The following WWC1 variants were observed in gnomAD, a reference collection of about 807,000 sequenced individuals.
WWC1 encodes WW and C2 domain containing 1.
Under a neutral mutation model 138.4 loss-of-function variants are expected in WWC1, and 55 were observed. That is an observed-to-expected ratio of 0.40 (90% CI 0.32 to 0.50). The LOEUF (loss-of-function observed/expected upper bound fraction) is 0.50. Among genes scored for constraint, WWC1 ranks in the 20% least tolerant of loss-of-function variants. The probability of loss-of-function intolerance (pLI) is 0.72; values close to 1 mark genes in which losing one functional copy is unlikely to be tolerated. For synonymous variants in WWC1, 524 were observed against 564.9 expected (o/e 0.93, Z 1.03); for missense variants, 1,226 against 1,420.4 (o/e 0.86, Z 2.20).
intron 5 of WWC1, among the ~76,000 whole-genome samples, 164 bp from the exon 6 acceptor site, chr5:168,406,034 T>G (rs1217057549): frequency 6.6e-6 from 1 of 152,174 alleles, no homozygotes; most frequent in Admixed American, 6.5e-5. Flanking sequence ...GCCCGGGACC[T>G]TCTATGCCTT....
At chr5:168,389,932 T>C (rs1778355886) in intron 3 of WWC1, among the ~76,000 whole-genome samples, 1 of 152,330 alleles carries the variant, frequency 6.6e-6, no homozygotes, top group Admixed American at 6.5e-5. Flanking sequence ...TCATAGGGGA[T>C]AAAACTGCCC....
chr5:168,378,359 G>A (rs561048757), intron 2 of WWC1, among the ~76,000 whole-genome samples: 93 of 152,206 alleles, frequency 6.1e-4, no homozygotes, highest in African/African-American at 1.9e-3. Context: ...CCAAACCTCA[G>A]CATCATGCAA....
intron 1 of WWC1, among the ~76,000 whole-genome samples, chr5:168,318,965 G>C (rs990597566): frequency 6.6e-6 from 1 of 152,120 alleles, no homozygotes; most frequent in Non-Finnish European, 1.5e-5. Flanking sequence ...TTCATTGTAC[G>C]TACATATGTG....
chr5:168,446,403 A>G (rs1055581385), intron 17 of WWC1, among the ~76,000 whole-genome samples: 15 of 152,200 alleles, frequency 9.9e-5, no homozygotes, highest in African/African-American at 3.6e-4. Context: ...TCCTTGTATT[A>G]TGAGAAAGGT....
At position 168,441,844 on chromosome 5, in the gene WWC1, G is replaced by A. The variant is rs1754800253; in HGVS notation, c.2433+10G>A. The A allele has an allele frequency of 1.9e-6, 3 of 1,611,496 alleles. No individual in the cohort carries two copies. The highest frequency in any genetic ancestry group is 1.1e-5 in the South Asian group (1 of 90,696). ...AGGGCCTGCCAGCACGGTGAGCTGGGACCAGGTGTGCCACCTTCCCACAAG... is the reference window on the plus strand; with the variant it reads ...AGGGCCTGCCAGCACGGTGAGCTGGAACCAGGTGTGCCACCTTCCCACAAG... On this transcript the variant is annotated intron_variant, in intron 16 of 22. Transcript: ENST00000265293.
intron 1 of WWC1, among the ~76,000 whole-genome samples, chr5:168,337,283 T>C (rs1444384461): frequency 6.6e-6 from 1 of 152,216 alleles, no homozygotes; most frequent in Non-Finnish European, 1.5e-5. Context: ...GTGGTACTTT[T>C]GCATGAATTC....
intron 3 of WWC1, among the ~76,000 whole-genome samples, chr5:168,397,143 T>C (rs556403027): frequency 6.6e-5 from 10 of 151,976 alleles, no homozygotes; most frequent in African/African-American, 2.4e-4. Flanking sequence ...AAATTTAAAT[T>C]ATTCTTTTTT....
intron 3 of WWC1, 54 bp downstream of exon 3, chr5:168,385,468 ACT>A: frequency 6.4e-7 from 1 of 1,564,004 alleles, no homozygotes; most frequent in Non-Finnish European, 8.7e-7. Context: ...GAATGGCCAC[ACT>A]GAGTTCTGCC....
intron 16 of WWC1, among the ~76,000 whole-genome samples, chr5:168,443,157 C>G (rs1314353220): frequency 1.3e-5 from 2 of 152,186 alleles, no homozygotes; most frequent in African/African-American, 4.8e-5. Context: ...AACGGTTGTT[C>G]CCTCTGTCGA....
intron 15 of WWC1, among the ~76,000 whole-genome samples, chr5:168,440,523 G>C (rs1344249172): frequency 1.3e-5 from 2 of 151,568 alleles, no homozygotes; most frequent in East Asian, 3.9e-4. Context: ...GTTTTGTTTT[G>C]TTTTGTTTTT....
chr5:168,295,817 C>T (rs930461477), intron 1 of WWC1, among the ~76,000 whole-genome samples: 1 of 152,162 alleles, frequency 6.6e-6, no homozygotes, highest in Non-Finnish European at 1.5e-5. Flanking sequence ...CTTGCCAACT[C>T]TCTCCCCTTC....
chr5:168,398,397 G>T (rs930163298), intron 4 of WWC1, among the ~76,000 whole-genome samples: 1 of 152,134 alleles, frequency 6.6e-6, no homozygotes, highest in Non-Finnish European at 1.5e-5. Context: ...CCACCACCAA[G>T]CTGTCACCTG....
chr5:168,458,856 T>A (rs532371542), intron 19 of WWC1, among the ~76,000 whole-genome samples: 2 of 152,344 alleles, frequency 1.3e-5, no homozygotes, highest in African/African-American at 4.8e-5. Flanking sequence ...TATAACATAG[T>A]CTTTAACATG....
At chr5:168,431,753 A>T (rs773050609) in intron 15 of WWC1, among the ~76,000 whole-genome samples, 27 of 152,256 alleles carry the variant, frequency 1.8e-4, no homozygotes, top group Non-Finnish European at 2.9e-4. Context: ...CAGCTTTACT[A>T]TACAGCATGA....
chr5:168,321,389 G>A (rs1360209423), intron 1 of WWC1, among the ~76,000 whole-genome samples: 1 of 152,184 alleles, frequency 6.6e-6, no homozygotes, highest in African/African-American at 2.4e-5. Flanking sequence ...TACTGAGGGA[G>A]AGAAGAACTT....
In WWC1 at chr5:168,462,624, G is replaced by A. The variant is rs142430043; in HGVS notation, c.2916+1882G>A. On this transcript the variant is annotated intron_variant, in intron 20 of 22. Coordinates refer to ENST00000265293, the MANE Select transcript of WWC1 (RefSeq NM_015238.3). Reference sequence around the variant, plus strand: ...TTCCCACAGCTCCCTTCTAAGGCAGGCCCTACAGGAGCAGGTCCCCTTCAT... The same window carrying A: ...TTCCCACAGCTCCCTTCTAAGGCAGACCCTACAGGAGCAGGTCCCCTTCAT... Among the ~76,000 whole-genome samples, 17 of 152,316 alleles carry A rather than the reference G, an allele frequency of 1.1e-4. No homozygotes were observed. In the East Asian group the frequency reaches 2.5e-3, roughly 22 times the overall value.
intron 1 of WWC1, among the ~76,000 whole-genome samples, chr5:168,301,235 C>A (rs1022436927): frequency 1.3e-5 from 2 of 152,132 alleles, no homozygotes; most frequent in Non-Finnish European, 2.9e-5. Context: ...GTTGTTCCAC[C>A]CAAACATGGG....
chr5:168,334,054 GAA>G (rs70976475), intron 1 of WWC1, among the ~76,000 whole-genome samples: 3,180 of 44,244 alleles, frequency 0.072, 129 homozygotes, highest in African/African-American at 0.25. Context: ...CATCCCTACT[GAA>G]AAAAAAAAAA....
chr5:168,326,110 C>T (rs879896219), intron 1 of WWC1, among the ~76,000 whole-genome samples: 2 of 151,614 alleles, frequency 1.3e-5, no homozygotes, highest in South Asian at 2.1e-4. Flanking sequence ...AATAATGCTG[C>T]TAGGAATGTG....
Sources: gnomAD v4.1 joint callset for allele counts (sites outside exome capture counted in the v4.1 genomes callset) on GRCh38, gnomAD v4.1.1 for gene constraint, MANE v1.5 for transcripts, NCBI Gene and HGNC (gene_info 2026-07-23, HGNC 2026-07-21) for gene names.